Variants in ZAN observed in about 807,000 individuals in gnomAD.
ZAN encodes the protein zonadhesin (gene/pseudogene).
Under a neutral mutation model 286.2 loss-of-function variants are expected in ZAN, and 260 were observed. The observed-to-expected ratio is 0.91, with a 90% CI of 0.82 to 1.01. ZAN has a LOEUF of 1.01. Ranked by LOEUF, ZAN falls within the 50% of genes least tolerant of loss-of-function variation. The pLI is 0.00. For synonymous variants in ZAN, 1,368 were observed against 1,417.5 expected (o/e 0.97, Z 0.79); for missense variants, 3,410 against 3,639.2 (o/e 0.94, Z 1.62).
rs749039801 is a variant in ZAN, at chr7:100,795,219, T to C, written c.8149T>C (p.Cys2717Arg). 1.3e-5 allele frequency: 21 copies of C among 1,610,598 alleles called. No individual in the cohort carries two copies. Among genetic ancestry groups the C allele is most frequent in the Middle Eastern group, 1.7e-4 (1 of 6,010 alleles). ...AGAAAGCCCGTGTCTGCAGAACCCCTGTCAGAATGACGGGCAGTGTCGGGA... is the reference window on the plus strand; with the variant it reads ...AGAAAGCCCGTGTCTGCAGAACCCCCGTCAGAATGACGGGCAGTGTCGGGA... The part of the protein sequence containing the change: ...FPESPCLQNP[C>R]QNDGQCREQG... Residue 2717 changes from cysteine to arginine, a missense_variant, in exon 45 of 48, where the codon TGT becomes CGT. By Grantham distance (180) the Cys-to-Arg change is radical (BLOSUM62 -3). Around this residue, in one of 7 missense-constraint regions of ZAN, gnomAD observed 1,289 missense variants for 1,314.3 expected, o/e 0.98. Coordinates refer to ENST00000613979, the MANE Select transcript of ZAN (RefSeq NM_003386.3).
chr7:100,783,783 T>TAC (rs1554409766), intron 35 of ZAN, among the ~76,000 whole-genome samples: 293 of 20,322 alleles, frequency 0.014, 30 homozygotes, highest in Admixed American at 0.018. Flanking sequence ...TATATATATA[T>TAC]ACACATATAT....
intron 25 of ZAN, among the ~76,000 whole-genome samples, chr7:100,767,467 G>GT (rs35803818): frequency 0.076 from 5,919 of 77,996 alleles, 1,282 homozygotes; most frequent in Non-Finnish European, 0.12. Flanking sequence ...GTTTTTTGCC[G>GT]TTTTTTTTTT....
intron 7 of ZAN, among the ~76,000 whole-genome samples, chr7:100,745,131 G>A (rs1369237411): frequency 1.3e-5 from 2 of 151,722 alleles, no homozygotes; most frequent in Non-Finnish European, 2.9e-5. Flanking sequence ...TGATCCGCCC[G>A]CCTCGGTCTC....
Position 100,763,934 on chromosome 7 carries a change from C to G in ZAN, c.4097+18C>G, listed in dbSNP as rs761275657. 1.9e-6 allele frequency: 3 copies of G among 1,610,238 alleles called. No homozygotes were observed. Among genetic ancestry groups the G allele is most frequent in the African/African-American group, 2.7e-5 (2 of 74,032 alleles). On this transcript the variant is annotated intron_variant, in intron 21 of 47. Transcript: ENST00000613979. This position sits in a 1 kb window ranked among gnomAD's most constrained non-coding sequence, Gnocchi z 4.6. The stretch of plus-strand genomic sequence containing the variant: ...CCATTTGAGTATGAAGGAGGGCAGG[C>G]AGGGTCGCACAGGGGCGATGCTTGG...
chr7:100,763,754 T>G lies in ZAN; in HGVS notation c.3987-52T>G. The G allele has an allele frequency of 5.5e-5, 86 of 1,569,042 alleles. No homozygotes were observed. Among genetic ancestry groups the G allele is most frequent in the Middle Eastern group, 1.7e-4 (1 of 5,962 alleles). ...GCCTTGCTGCCTGCTGGGTTAGGGA[T>G]GAGCTGGAAGCGAGCTTTGTCTTTA... On this transcript the variant is annotated intron_variant, in intron 20 of 47. Coordinates refer to ENST00000613979, the MANE Select transcript of ZAN (RefSeq NM_003386.3). The surrounding 1 kb of genome is among the most constrained non-coding windows in gnomAD (Gnocchi z 4.6).
At chr7:100,777,748 T>A (rs1810917518) in intron 34 of ZAN, among the ~76,000 whole-genome samples, 1 of 151,838 alleles carries the variant, frequency 6.6e-6, no homozygotes, top group African/African-American at 2.4e-5. Flanking sequence ...GTTCCTTTTT[T>A]CTTCTTCAAT....
chr7:100,760,499 TG>T lies in ZAN; in HGVS notation c.3808del (p.Asp1270MetfsTer34), dbSNP rs1319548696. ...LQTEFGLRVRWDGDQQLYVTV... is the reference protein window; with the variant it reads ...LQTEFGLRVRXDGDQQLYVTV... ...GACGGAGTTCGGTTTGCGGGTGAGA[TG>T]GGATGGTGACCAGCAGCTGTATGTT... On this transcript the variant is annotated frameshift_variant, in exon 19 of 48. Transcript: ENST00000613979. LOFTEE classifies it high-confidence loss of function. 6.2e-7 allele frequency: 1 copy of T among 1,613,952 alleles called. No individual in the cohort carries two copies. Among genetic ancestry groups the T allele is most frequent in the Admixed American group, 1.7e-5 (1 of 59,992 alleles).
chr7:100,767,097 T>C lies in ZAN; in HGVS notation c.4700T>C (p.Val1567Ala), dbSNP rs768327465. 6.2e-7 allele frequency: 1 copy of C among 1,613,978 alleles called. No homozygotes were observed. The highest frequency in any genetic ancestry group is 1.1e-5 in the South Asian group (1 of 91,078). The change falls in exon 25 of 48, where the codon GTC (valine) becomes GCC (alanine). Residue 1567 changes from valine (V) to alanine (A), a missense_variant. Physicochemically the swap from Val to Ala is moderately conservative, Grantham distance 64 (BLOSUM62 0). Coordinates refer to ENST00000613979, the MANE Select transcript of ZAN (RefSeq NM_003386.3). ...LHHFMGTCTY[V>A]LTRPCWSRSQ... Reference sequence around the variant, plus strand: ...CACTTCATGGGCACCTGCACCTATGTCCTGACCCGGCCTTGCTGGTCCAGG... The same window carrying C: ...CACTTCATGGGCACCTGCACCTATGCCCTGACCCGGCCTTGCTGGTCCAGG...
chr7:100,751,018 T>G, intron 12 of ZAN, 122 bp downstream of exon 12: 1 of 1,445,900 alleles, frequency 6.9e-7, no homozygotes, highest in Non-Finnish European at 9.2e-7. Context: ...AAGGGGAACT[T>G]CGTGTTACAG....
At chr7:100,744,401 C>G in intron 7 of ZAN, among the ~76,000 whole-genome samples, 1 of 150,640 alleles carries the variant, frequency 6.6e-6, no homozygotes, top group East Asian at 2.0e-4. Context: ...GAGTCCGAGA[C>G]CAGCCTGGCC....
At chr7:100,788,887 C>T (rs1325045806) in intron 38 of ZAN, among the ~76,000 whole-genome samples, 7 of 151,960 alleles carry the variant, frequency 4.6e-5, no homozygotes, top group African/African-American at 9.7e-5. Flanking sequence ...TTAGTAGAGA[C>T]GTGGTTTCCC....
In ZAN at chr7:100,759,780, C is replaced by T; in HGVS notation, c.3631C>T (p.Leu1211=). ...EEQGQEGVSC[L]SKVYVTLPES... is the part of the protein sequence containing the mutation. ...GCAGGGACAGGAAGGCGTGTCCTGC[C>T]TGAGCAAAGTCTACGTGACCCTGCC... The change falls in exon 18 of 48, where the codon CTG becomes TTG. Residue 1211 remains leucine, a synonymous_variant. Coordinates refer to ENST00000613979, the MANE Select transcript of ZAN (RefSeq NM_003386.3). 1 of 1,605,748 alleles carries T rather than the reference C, an allele frequency of 6.2e-7. No homozygotes were observed. The highest frequency in any genetic ancestry group is 8.5e-7 in the Non-Finnish European group (1 of 1,176,472).
intron 24 of ZAN, 41 bp from the exon 25 acceptor site, chr7:100,766,969 A>G (rs2116046022): frequency 6.2e-7 from 1 of 1,607,506 alleles, no homozygotes; most frequent in Non-Finnish European, 8.5e-7. Flanking sequence ...CTTCCGGGGC[A>G]TGGAGGAGTG....
chr7:100,762,883 C>T (rs767015354), intron 20 of ZAN, among the ~76,000 whole-genome samples: 6 of 151,886 alleles, frequency 4.0e-5, no homozygotes, highest in Non-Finnish European at 8.8e-5. Context: ...TGGACTACAC[C>T]ATGCCCAGCT....
intron 35 of ZAN, among the ~76,000 whole-genome samples, chr7:100,781,941 A>G (rs544194055): frequency 3.3e-5 from 5 of 152,284 alleles, no homozygotes; most frequent in Non-Finnish European, 4.4e-5. Flanking sequence ...GCACCTGGTC[A>G]TGAAAAATAA....
At chr7:100,744,592 C>T (rs56366342) in intron 7 of ZAN, among the ~76,000 whole-genome samples, 2,272 of 150,636 alleles carry the variant, frequency 0.015, 107 homozygotes, top group African/African-American at 0.051. Flanking sequence ...AGTGAGACTC[C>T]ATCTCAATAA....
rs551034754 is a variant in ZAN, at chr7:100,752,261, T to A, written c.2156T>A (p.Ile719Asn). 24 of 1,564,600 alleles carry A rather than the reference T, an allele frequency of 1.5e-5. No individual in the cohort carries two copies. The African/African-American group carries it at 3.4e-4, about 22-fold the overall frequency. ...ACCATCTCCCCAGAAAAACCCACCA[T>A]CCCCACAGAAAAACCCACCATCCCC... ...KPTISPEKPTIPTEKPTIPTE... is the reference protein window; with the variant it reads ...KPTISPEKPTNPTEKPTIPTE... Residue 719 changes from isoleucine to asparagine, a missense_variant, in exon 14 of 48, where the codon ATC becomes AAC. This residue lies in a region of ZAN where 872 missense variants were observed against 938.9 expected (regional missense o/e 0.93). Coordinates refer to ENST00000613979, the MANE Select transcript of ZAN (RefSeq NM_003386.3).
At chr7:100,756,274 C>A (rs1809141315) in intron 15 of ZAN, among the ~76,000 whole-genome samples, 1 of 151,904 alleles carries the variant, frequency 6.6e-6, no homozygotes, top group African/African-American at 2.4e-5. Flanking sequence ...ATTAAAAGTG[C>A]ATTAAAGGGC....
chr7:100,733,942 T>C lies in ZAN; in HGVS notation c.-142-85T>C, dbSNP rs1467300869. On this transcript the variant is annotated intron_variant, in intron 1 of 47. Coordinates refer to ENST00000613979, the MANE Select transcript of ZAN (RefSeq NM_003386.3). ...TGTTTCTTTCTCTTTTTTTTTCTCTTCTCTCTAGTTTATTTCCCTCGATTT... is the reference window on the plus strand; with the variant it reads ...TGTTTCTTTCTCTTTTTTTTTCTCTCCTCTCTAGTTTATTTCCCTCGATTT... 3 of 368,770 alleles carry C rather than the reference T, an allele frequency of 8.1e-6. No homozygotes were observed. The East Asian group carries it at 1.3e-4, about 15-fold the overall frequency. The allele number at this position is 368,770 out of a possible 1,614,324, so 22.8% of individuals were successfully genotyped here.
Sources: gnomAD v4.1 joint callset for allele counts (sites outside exome capture counted in the v4.1 genomes callset) on GRCh38, gnomAD v4.1.1 for gene constraint, gnomAD v4.1.1 regional missense constraint, Gnocchi (gnomAD v3.1) non-coding constraint, MANE v1.5 for transcripts, NCBI Gene and HGNC (gene_info 2026-07-23, HGNC 2026-07-21) for gene names.